The following PLXNA4 variants were observed in gnomAD, a reference collection of about 807,000 sequenced individuals.
PLXNA4 encodes the protein plexin A4.
PLXNA4 carries 44 observed loss-of-function variants against 191.8 expected under a neutral mutation model. The observed-to-expected ratio is 0.23, with a 90% CI of 0.18 to 0.29. The LOEUF (loss-of-function observed/expected upper bound fraction) is 0.29. Among genes scored for constraint, PLXNA4 ranks in the 10% least tolerant of loss-of-function variants. PLXNA4 has a pLI of 1.00. For synonymous variants in PLXNA4, 1,082 were observed against 1,009.5 expected, an observed-to-expected ratio of 1.07 and a Z score of -1.36; for missense variants, 1,800 against 2,488.8, an observed-to-expected ratio of 0.72 and a Z score of 5.89.
intron 3 of PLXNA4, among the ~76,000 whole-genome samples, chr7:132,381,014 C>T (rs148065841): frequency 1.9e-4 from 29 of 152,364 alleles, no homozygotes; most frequent in African/African-American, 5.1e-4. Flanking sequence ...GTTTCTGAAA[C>T]GGATCTGAAT....
chr7:132,168,871 G>A (rs1035147665), intron 21 of PLXNA4, among the ~76,000 whole-genome samples: 5 of 152,222 alleles, frequency 3.3e-5, no homozygotes, highest in African/African-American at 4.8e-5. Flanking sequence ...TGATGGTGAC[G>A]CAGAGTTGAT....
At chr7:132,468,083 C>T (rs937652639) in intron 3 of PLXNA4, among the ~76,000 whole-genome samples, 1 of 152,134 alleles carries the variant, frequency 6.6e-6, no homozygotes, top group African/African-American at 2.4e-5. Flanking sequence ...TTGGAATAAA[C>T]CCCCCAGTCC....
At chr7:132,336,205 T>G (rs1802810747) in intron 3 of PLXNA4, among the ~76,000 whole-genome samples, 1 of 152,228 alleles carries the variant, frequency 6.6e-6, no homozygotes, top group African/African-American at 2.4e-5. Flanking sequence ...GGAGTTAAGA[T>G]TTAATTAGCT....
At chr7:132,241,014 G>T in intron 5 of PLXNA4, 52 bp downstream of exon 5, 1 of 1,331,164 alleles carries the variant, frequency 7.5e-7, no homozygotes, top group Non-Finnish European at 1.1e-6. Flanking sequence ...CAGAGGAAGG[G>T]AATTACCAGG....
chr7:132,455,799 G>A (rs1443326776), intron 3 of PLXNA4, among the ~76,000 whole-genome samples: 1 of 152,138 alleles, frequency 6.6e-6, no homozygotes, highest in Non-Finnish European at 1.5e-5. Flanking sequence ...CTGAGGGTGT[G>A]GGTGCCTGGC....
intron 3 of PLXNA4, among the ~76,000 whole-genome samples, chr7:132,316,461 C>T (rs1563030756): frequency 6.6e-6 from 1 of 152,158 alleles, no homozygotes; most frequent in Admixed American, 6.5e-5. Flanking sequence ...GGGATAGAGA[C>T]CCTAAACTCT....
At chr7:132,503,067 G>A (rs1223714693) in intron 2 of PLXNA4, among the ~76,000 whole-genome samples, 1 of 152,180 alleles carries the variant, frequency 6.6e-6, no homozygotes, top group Middle Eastern at 3.2e-3. Flanking sequence ...TCAGTACTAT[G>A]GCCGAGACTA....
chr7:132,437,317 C>T (rs1013243076), intron 3 of PLXNA4, among the ~76,000 whole-genome samples: 4 of 152,184 alleles, frequency 2.6e-5, no homozygotes, highest in Non-Finnish European at 5.9e-5. Context: ...CTTCGTGGTC[C>T]TAAGTGCAAC....
chr7:132,257,318 C>A (rs1799467654), intron 4 of PLXNA4, among the ~76,000 whole-genome samples: 1 of 152,190 alleles, frequency 6.6e-6, no homozygotes, highest in Admixed American at 6.5e-5. Context: ...ATCTTATAAT[C>A]ACTCTTTGGC....
chr7:132,382,516 T>TCC (rs1585059833), intron 3 of PLXNA4, among the ~76,000 whole-genome samples: 1 of 152,116 alleles, frequency 6.6e-6, no homozygotes, highest in East Asian at 1.9e-4. Context: ...ACCTCAAACC[T>TCC]CCACCAGCCT....
intron 3 of PLXNA4, among the ~76,000 whole-genome samples, chr7:132,386,369 G>A (rs915490197): frequency 1.3e-5 from 2 of 152,220 alleles, no homozygotes; most frequent in Non-Finnish European, 2.9e-5. Context: ...GGTCAAACAC[G>A]GGCGGGCTCC....
chr7:132,494,937 G>C (rs1304401672), intron 2 of PLXNA4, among the ~76,000 whole-genome samples: 1 of 152,148 alleles, frequency 6.6e-6, no homozygotes, highest in East Asian at 1.9e-4. Flanking sequence ...AGACTCCCTG[G>C]GAAGGGCTGG....
chr7:132,422,040 G>C (rs569681585), intron 3 of PLXNA4, among the ~76,000 whole-genome samples: 2 of 152,186 alleles, frequency 1.3e-5, no homozygotes, highest in Non-Finnish European at 2.9e-5. Flanking sequence ...CAGGGAAGTC[G>C]TTGTCAAATA....
intron 1 of PLXNA4, among the ~76,000 whole-genome samples, chr7:132,563,117 CCTCCTTCT>C (rs1466458481): frequency 4.6e-5 from 5 of 108,192 alleles, no homozygotes; most frequent in South Asian, 4.8e-4. Context: ...TCTCCCTCCT[CCTCCTTCT>C]CCTCCTCCTC....
In PLXNA4 at chr7:132,415,904, A is replaced by T. The variant is rs538612705; in HGVS notation, c.1371+73388T>A. Among the ~76,000 whole-genome samples the T allele has an allele frequency of 1.8e-3, 270 of 152,380 alleles. 3 individuals carry two copies. The highest frequency in any genetic ancestry group is 6.0e-3 in the African/African-American group (250 of 41,598). The stretch of plus-strand genomic sequence containing the variant: ...TAACCAATGATTTAGGAAGAAATGA[A>T]CAGATAAGTTTGATATAGACTAGAG... On this transcript the variant is annotated intron_variant, in intron 3 of 31. Coordinates refer to ENST00000321063, the MANE Select transcript of PLXNA4 (RefSeq NM_020911.2).
intron 8 of PLXNA4, among the ~76,000 whole-genome samples, chr7:132,223,911 C>A (rs1798227749): frequency 6.6e-6 from 1 of 152,102 alleles, no homozygotes; most frequent in African/African-American, 2.4e-5. Flanking sequence ...CATGGGATAA[C>A]ATCCTCCTTT....
intron 3 of PLXNA4, chr7:132,384,983 A>G (rs1197697058): frequency 1.5e-5 from 20 of 1,377,150 alleles, no homozygotes; most frequent in Middle Eastern, 2.8e-4. Context: ...CGCTTGGGGC[A>G]GAGAAAAGAG....
At chr7:132,641,726 C>A (rs143712074) in intron 2 of PLXNA4, among the ~76,000 whole-genome samples, 8 of 152,180 alleles carry the variant, frequency 5.3e-5, no homozygotes, top group African/African-American at 1.9e-4. Flanking sequence ...GTTTCGGTAC[C>A]AAATTAGAGT....
rs568804944 is a variant in PLXNA4, at chr7:132,611,420, G to C, written c.-87+34508C>G. Among the ~76,000 whole-genome samples, 11 of 152,228 alleles carry C rather than the reference G, an allele frequency of 7.2e-5. No homozygotes were observed. The East Asian group carries it at 2.1e-3, about 29-fold the overall frequency. On this transcript the variant is annotated intron_variant, in intron 2 of 4. Transcript: ENST00000378539. The stretch of plus-strand genomic sequence containing the variant: ...CTTAACGCTTCCAAATCCACGCTCC[G>C]ACACAGAACTTCAGACTTCAAAAGT...
Sources: allele counts gnomAD v4.1 joint callset (sites outside exome capture counted in the v4.1 genomes callset), GRCh38; gene constraint gnomAD v4.1.1; transcripts MANE v1.5; gene names NCBI Gene and HGNC (gene_info 2026-07-23, HGNC 2026-07-21).